Variants in KPNB1 observed in about 807,000 individuals in gnomAD.
KPNB1 encodes karyopherin subunit beta 1.
In KPNB1, 7 loss-of-function variants were observed where a neutral mutation model predicts 113.0. The ratio of observed to expected loss-of-function variants is 0.06; its 90% CI spans 0.04 to 0.12. The LOEUF (loss-of-function observed/expected upper bound fraction) is 0.12. Ranked by LOEUF, KPNB1 falls within the 10% of genes least tolerant of loss-of-function variation. KPNB1 has a pLI of 1.00. For synonymous variants in KPNB1, 363 were observed against 378.6 expected (o/e 0.96, Z 0.48); for missense variants, 400 against 1,054.8 (o/e 0.38, Z 8.60).
intron 21 of KPNB1, among the ~76,000 whole-genome samples, chr17:47,681,147 G>A (rs1326267646): frequency 6.6e-6 from 1 of 151,802 alleles, no homozygotes; most frequent in Non-Finnish European, 1.5e-5. Flanking sequence ...TCGGTTCACT[G>A]CAACTGCTGC....
chr17:47,664,021 C>A, intron 7 of KPNB1, 138 bp from the exon 8 acceptor site: 1 of 588,150 alleles, frequency 1.7e-6, no homozygotes, highest in Non-Finnish European at 3.1e-6. Flanking sequence ...CTTTCTTTTC[C>A]TATCTTTTCT....
chr17:47,658,444 G>A (rs2029974682), intron 4 of KPNB1, 64 bp from the exon 5 acceptor site: 1 of 1,523,126 alleles, frequency 6.6e-7, no homozygotes, highest in Admixed American at 2.0e-5. Context: ...TGAATCCACA[G>A]ATGTGGAACC....
intron 21 of KPNB1, among the ~76,000 whole-genome samples, chr17:47,682,156 CTTAA>C (rs947211122): frequency 3.3e-5 from 5 of 152,210 alleles, no homozygotes; most frequent in Non-Finnish European, 7.3e-5. Flanking sequence ...TTCTTTCACT[CTTAA>C]TTAGTTATCT....
intron 2 of KPNB1, chr17:47,651,176 C>T (rs2082959891): frequency 1.1e-5 from 11 of 983,130 alleles, no homozygotes; most frequent in Non-Finnish European, 1.3e-5. Context: ...GGGAAAGTTC[C>T]TCGTTTTTCA....
At chr17:47,652,141 C>A (rs1915595639) in intron 2 of KPNB1, among the ~76,000 whole-genome samples, 1 of 152,066 alleles carries the variant, frequency 6.6e-6, no homozygotes, top group Non-Finnish European at 1.5e-5. Flanking sequence ...TCTGTATTTC[C>A]CCCTCTCATA....
chr17:47,661,902 CAGTT>C (rs1279883144), intron 6 of KPNB1, among the ~76,000 whole-genome samples: 3 of 152,184 alleles, frequency 2.0e-5, no homozygotes. Context: ...TATACACAAA[CAGTT>C]AAGGGAGAAA....
chr17:47,665,090 A>T lies in KPNB1; in HGVS notation c.931A>T (p.Ser311Cys). The T allele has an allele frequency of 6.2e-7, 1 of 1,614,224 alleles. No homozygotes were observed. Among genetic ancestry groups the T allele is most frequent in the Non-Finnish European group, 8.5e-7 (1 of 1,180,026 alleles). Residue 311 changes from serine (S) to cysteine (C), a missense_variant, in exon 9 of 22, where the codon AGC becomes TGC. Around this residue, in one of 2 missense-constraint regions of KPNB1, gnomAD observed 285 missense variants for 627.0 expected, o/e 0.45. Transcript: ENST00000290158. ...AEQGRPPEHT[S>C]KFYAKGALQY... Reference sequence around the variant, plus strand: ...ACAAGGACGGCCCCCTGAGCACACCAGCAAGTTTTATGCGAAGGGAGCACT... The same window carrying T: ...ACAAGGACGGCCCCCTGAGCACACCTGCAAGTTTTATGCGAAGGGAGCACT...
intron 19 of KPNB1, 101 bp from the exon 20 acceptor site, chr17:47,679,919 G>A: frequency 8.3e-6 from 6 of 719,510 alleles, no homozygotes; most frequent in South Asian, 1.6e-5. Context: ...GGATGGTCTC[G>A]ATCTTCTGAC....
At chr17:47,667,182 G>A (rs2030313604) in intron 9 of KPNB1, among the ~76,000 whole-genome samples, 1 of 152,174 alleles carries the variant, frequency 6.6e-6, no homozygotes, top group Non-Finnish European at 1.5e-5. Flanking sequence ...CTGGAGTGCA[G>A]TGGGGCGGTC....
intron 2 of KPNB1, chr17:47,651,155 T>C: frequency 1.0e-6 from 1 of 957,888 alleles, no homozygotes; most frequent in Non-Finnish European, 1.2e-6. Flanking sequence ...TGTTTGCTGA[T>C]GAAATCACAG....
chr17:47,669,559 A>C, intron 10 of KPNB1, 119 bp from the exon 11 acceptor site: 1 of 656,434 alleles, frequency 1.5e-6, no homozygotes, highest in Non-Finnish European at 2.7e-6. Flanking sequence ...GTAAAATTAC[A>C]GAAGTATCTT....
chr17:47,675,360 TG>T (rs1341316300), intron 15 of KPNB1, among the ~76,000 whole-genome samples: 90 of 120,690 alleles, frequency 7.5e-4, no homozygotes, highest in African/African-American at 2.4e-3. Flanking sequence ...GCAGAGGTGT[TG>T]TTTTTTTTTT....
chr17:47,674,200 T>TA (rs1292704961), intron 14 of KPNB1, among the ~76,000 whole-genome samples: 1 of 152,240 alleles, frequency 6.6e-6, no homozygotes, highest in East Asian at 1.9e-4. Flanking sequence ...GGTTTGATTT[T>TA]ATCAAGTTTA....
intron 5 of KPNB1, among the ~76,000 whole-genome samples, chr17:47,658,883 T>C (rs1314048027): frequency 1.3e-5 from 2 of 152,174 alleles, no homozygotes; most frequent in African/African-American, 4.8e-5. Context: ...AAGCTTAGGT[T>C]TTTCCTTTTG....
chr17:47,673,421 G>T, intron 13 of KPNB1, 69 bp from the exon 14 acceptor site: 1 of 1,308,928 alleles, frequency 7.6e-7, no homozygotes, highest in Non-Finnish European at 1.1e-6. Context: ...TATTAGGGAA[G>T]ATTATTAAAT....
intron 3 of KPNB1, 99 bp from the exon 4 acceptor site, chr17:47,656,761 A>G (rs1168479464): frequency 3.3e-6 from 4 of 1,228,352 alleles, no homozygotes; most frequent in Admixed American, 3.9e-5. Context: ...AAAGAAAGAA[A>G]AAAAAGAATT....
chr17:47,665,205 A>G (rs2030231606), intron 9 of KPNB1, 47 bp downstream of exon 9: 1 of 1,440,768 alleles, frequency 6.9e-7, no homozygotes, highest in Non-Finnish European at 9.8e-7. Context: ...GAACCTTACT[A>G]AGAGTAAACT....
At chr17:47,674,516 C>G in intron 14 of KPNB1, 122 bp from the exon 15 acceptor site, 1 of 873,384 alleles carries the variant, frequency 1.1e-6, no homozygotes, top group Non-Finnish European at 1.8e-6. Flanking sequence ...GTATAAAATA[C>G]ATTTGGCATT....
chr17:47,680,951 C>G (rs1018090922), intron 21 of KPNB1, among the ~76,000 whole-genome samples: 4 of 152,164 alleles, frequency 2.6e-5, no homozygotes, highest in African/African-American at 9.7e-5. Context: ...CCCCCTAATT[C>G]TCTTCTGTTT....
Sources: allele counts gnomAD v4.1 joint callset (sites outside exome capture counted in the v4.1 genomes callset), GRCh38; gene constraint gnomAD v4.1.1; regional missense constraint gnomAD v4.1.1; transcripts MANE v1.5; gene names NCBI Gene and HGNC (gene_info 2026-07-23, HGNC 2026-07-21).